The following TPPP variants were observed in gnomAD, a reference collection of about 807,000 sequenced individuals.
The protein encoded by TPPP is tubulin polymerization-promoting protein.
A neutral mutation model predicts 15.5 loss-of-function variants in TPPP; 6 were observed. The ratio of observed to expected loss-of-function variants is 0.39; its 90% CI spans 0.21 to 0.77. TPPP has a LOEUF of 0.77. TPPP is among the 30% of genes least tolerant of loss of function. TPPP has a pLI of 0.42. For synonymous variants in TPPP, 146 were observed against 133.9 expected, an observed-to-expected ratio of 1.09 and a Z score of -0.63; for missense variants, 269 against 307.2, an observed-to-expected ratio of 0.88 and a Z score of 0.93.
rs866006306 is a variant in TPPP at position 668,238 on chromosome 5, C to T, written c.312-2115G>A. Among the ~76,000 whole-genome samples the T allele has an allele frequency of 1.2e-4, 10 of 81,836 alleles. 2 individuals carry two copies. The highest frequency in any genetic ancestry group is 7.9e-3 in the Middle Eastern group (1 of 126). 53.7% of individuals were successfully genotyped at this position (81,836 alleles called of 152,430 possible). ...GCACACAGAGAGGGGGCCGTGTGGG[C>T]GCCGTCAGGGAAGTGCGGACAAGCA... On this transcript the variant is annotated intron_variant, in intron 2 of 3. Transcript: ENST00000360578.
chr5:670,290 G>A (rs375357947), intron 2 of TPPP, among the ~76,000 whole-genome samples: 381 of 152,282 alleles, frequency 2.5e-3, no homozygotes, highest in African/African-American at 4.4e-3. Flanking sequence ...TCTGAGGGGC[G>A]GGGGCCGGCG....
At chr5:696,793 C>T (rs62330334), upstream of TPPP, among the ~76,000 whole-genome samples, 1,380 of 73,462 alleles carry the variant, frequency 0.019, no homozygotes, top group Middle Eastern at 0.038. Flanking sequence ...TGAATGTGCA[C>T]CTGTATGTGT....
intron 2 of TPPP, among the ~76,000 whole-genome samples, chr5:672,905 C>G (rs978912171): frequency 3.3e-5 from 5 of 152,358 alleles, no homozygotes; most frequent in Admixed American, 2.0e-4. Context: ...AACATCAAAA[C>G]AAACAAGCGC....
At chr5:668,351 G>C (rs61495967) in intron 2 of TPPP, among the ~76,000 whole-genome samples, 210 of 92,582 alleles carry the variant, frequency 2.3e-3, no homozygotes, top group African/African-American at 9.5e-3. Flanking sequence ...AGGGAAGTGC[G>C]GACAAGCACA....
rs1739824093 is a variant in TPPP, at chr5:664,758, C to G, written c.*344G>C. ...CTGCCGCTCAGGAGGTCAGCACAGCCTCCTGTTGCCATGACAGCCAGCTGC... is the reference window on the plus strand; with the variant it reads ...CTGCCGCTCAGGAGGTCAGCACAGCGTCCTGTTGCCATGACAGCCAGCTGC... On this transcript the variant is annotated 3_prime_UTR_variant, in exon 4 of 4. Coordinates refer to ENST00000360578, the MANE Select transcript of TPPP (RefSeq NM_007030.3). 3.8e-6 allele frequency: 1 copy of G among 262,346 alleles called. No homozygotes were observed. Among genetic ancestry groups the G allele is most frequent in the Non-Finnish European group, 7.4e-6 (1 of 135,398 alleles). The allele number at this position is 262,346 out of a possible 1,614,324, so 16.3% of individuals were successfully genotyped here.
At chr5:669,469 T>C (rs546571679) in intron 2 of TPPP, among the ~76,000 whole-genome samples, 1 of 152,220 alleles carries the variant, frequency 6.6e-6, no homozygotes, top group South Asian at 2.1e-4. Flanking sequence ...GTGGGGGTGT[T>C]GACTCTCTGG....
chr5:684,783 C>T (rs555310220), intron 1 of TPPP, among the ~76,000 whole-genome samples: 30 of 152,284 alleles, frequency 2.0e-4, no homozygotes, highest in African/African-American at 4.8e-4. Flanking sequence ...ACTCCTGCTC[C>T]GCGGGACTCT....
intron 2 of TPPP, among the ~76,000 whole-genome samples, chr5:674,439 C>T (rs1395567615): frequency 1.3e-5 from 2 of 150,878 alleles, no homozygotes; most frequent in Non-Finnish European, 1.5e-5. Flanking sequence ...CTGCGAACCC[C>T]ACCTGCTTCT....
At chr5:686,277 C>T (rs1380703930) in intron 1 of TPPP, among the ~76,000 whole-genome samples, 1 of 152,268 alleles carries the variant, frequency 6.6e-6, no homozygotes, top group African/African-American at 2.4e-5. Context: ...TTAAAGGCAC[C>T]TTCTGTGGGG....
At chr5:666,808 A>T (rs186417624) in intron 2 of TPPP, 3 of 152,204 alleles carry the variant, frequency 2.0e-5, no homozygotes, top group East Asian at 1.9e-4. Flanking sequence ...TTCTAAACTG[A>T]CTCTTGGTTT....
At chr5:669,485 T>C (rs1297089132) in intron 2 of TPPP, among the ~76,000 whole-genome samples, 2 of 152,104 alleles carry the variant, frequency 1.3e-5, no homozygotes, top group Non-Finnish European at 2.9e-5. Flanking sequence ...TCTGGGGCCC[T>C]TGGGGCCTCT....
At chr5:676,617 C>A (rs1286857621) in intron 2 of TPPP, 1 of 152,240 alleles carries the variant, frequency 6.6e-6, no homozygotes, top group East Asian at 1.9e-4. Flanking sequence ...GCGGACAGGA[C>A]GGGGCTCAGG....
At chr5:671,520 G>T (rs1243996192) in intron 2 of TPPP, among the ~76,000 whole-genome samples, 1 of 152,228 alleles carries the variant, frequency 6.6e-6, no homozygotes, top group Non-Finnish European at 1.5e-5. Context: ...AGGCTCATGG[G>T]GCAAAGTGGA....
At chr5:669,179 C>T (rs893737427) in intron 2 of TPPP, among the ~76,000 whole-genome samples, 9 of 152,154 alleles carry the variant, frequency 5.9e-5, no homozygotes, top group South Asian at 2.1e-4. Flanking sequence ...AGCCCCAGGG[C>T]GGGGCCTGGA....
At chr5:675,186 A>G (rs1361781906) in intron 2 of TPPP, among the ~76,000 whole-genome samples, 8 of 49,052 alleles carry the variant, frequency 1.6e-4, no homozygotes, top group Non-Finnish European at 1.8e-4. Flanking sequence ...CATGGAGGGT[A>G]CGGTGTGGCC....
Position 666,110 on chromosome 5 carries a change from G to T in TPPP, c.325C>A (p.Arg109=), listed in dbSNP as rs748214010. ...TGGAACTGCTCAAAGGTGATGGTCC[G>T]GCAAGACTTCCCTCTACAGGGGCAC... is the stretch of plus-strand genomic sequence containing the variant. ...VFSKIKGKSC[R]TITFEQFQEA... Residue 109 remains arginine, a synonymous_variant, in exon 3 of 4, where the codon CGG becomes AGG. Coordinates refer to ENST00000360578, the MANE Select transcript of TPPP (RefSeq NM_007030.3). 6.4e-7 allele frequency: 1 copy of T among 1,568,098 alleles called. No individual in the cohort carries two copies. The highest frequency in any genetic ancestry group is 2.3e-5 in the East Asian group (1 of 43,554).
chr5:670,380 C>T (rs1054134010), intron 2 of TPPP, among the ~76,000 whole-genome samples: 1 of 152,154 alleles, frequency 6.6e-6, no homozygotes, highest in Admixed American at 6.5e-5. Flanking sequence ...CCAGAGGCTG[C>T]CACAGGTGGG....
intron 2 of TPPP, among the ~76,000 whole-genome samples, chr5:673,677 G>A (rs1224762530): frequency 6.6e-6 from 1 of 152,222 alleles, no homozygotes; most frequent in Non-Finnish European, 1.5e-5. Flanking sequence ...CTCATGGTCA[G>A]CCAAGGCTGG....
intron 3 of TPPP, 126 bp from the exon 4 acceptor site, chr5:665,422 G>A (rs952551778): frequency 8.4e-6 from 7 of 836,488 alleles, no homozygotes; most frequent in Admixed American, 2.8e-5. Context: ...TAAACCCTGG[G>A]ATTTATGCCC....
Sources: allele counts gnomAD v4.1 joint callset (sites outside exome capture counted in the v4.1 genomes callset), GRCh38; gene constraint gnomAD v4.1.1; transcripts MANE v1.5; gene names NCBI Gene and HGNC (gene_info 2026-07-23, HGNC 2026-07-21).